The following CYYR1 variants were observed in gnomAD, a reference collection of about 807,000 sequenced individuals.
CYYR1 encodes the protein cysteine and tyrosine-rich protein 1.
Under a neutral mutation model 15.2 loss-of-function variants are expected in CYYR1, and 14 were observed. The observed-to-expected ratio is 0.92, with a 90% CI of 0.61 to 1.44. The LOEUF is 1.44. Ranked by LOEUF, CYYR1 falls within the 40% of genes most tolerant of loss-of-function variation. The pLI is 0.00. For synonymous variants in CYYR1, 80 were observed against 77.4 expected, an observed-to-expected ratio of 1.03 and a Z score of -0.18; for missense variants, 228 against 209.5, an observed-to-expected ratio of 1.09 and a Z score of -0.54.
intron 2 of CYYR1, among the ~76,000 whole-genome samples, chr21:26,481,931 C>T (rs1288281837): frequency 6.6e-6 from 1 of 151,958 alleles, no homozygotes; most frequent in Non-Finnish European, 1.5e-5. Context: ...TTTTTATTAT[C>T]TACAGTGATG....
At chr21:26,531,706 A>G (rs2065932574) in intron 2 of CYYR1, among the ~76,000 whole-genome samples, 2 of 152,120 alleles carry the variant, frequency 1.3e-5, no homozygotes, top group Admixed American at 1.3e-4. Flanking sequence ...ACCCAGTCTC[A>G]GGTAGTTCTT....
In CYYR1 at chr21:26,468,401, A is replaced by G; in HGVS notation, c.*100T>C. ...CCTGACACATTATCTGACCCCAAAA[A>G]GTATTCCTTGGAGCAATTCTTTCCT... On this transcript the variant is annotated 3_prime_UTR_variant, in exon 4 of 4. Coordinates refer to ENST00000652641, the MANE Select transcript of CYYR1 (RefSeq NM_001320768.2). 1.2e-6 allele frequency: 1 copy of G among 838,350 alleles called. No individual in the cohort carries two copies. The highest frequency in any genetic ancestry group is 1.7e-5 in the Admixed American group (1 of 58,166). 51.9% of individuals were successfully genotyped at this position (838,350 alleles called of 1,614,324 possible).
chr21:26,522,201 T>C (rs2065811456), intron 2 of CYYR1, among the ~76,000 whole-genome samples: 1 of 152,190 alleles, frequency 6.6e-6, no homozygotes, highest in South Asian at 2.1e-4. Context: ...AGAGAAGATT[T>C]ACCATATATT....
chr21:26,520,624 T>A (rs2065792129), intron 2 of CYYR1, among the ~76,000 whole-genome samples: 1 of 152,178 alleles, frequency 6.6e-6, no homozygotes, highest in South Asian at 2.1e-4. Flanking sequence ...GAAATGGTAT[T>A]TCTGGTTCTA....
At chr21:26,475,874 T>C (rs1025000989) in intron 3 of CYYR1, among the ~76,000 whole-genome samples, 3 of 152,190 alleles carry the variant, frequency 2.0e-5, no homozygotes, top group Non-Finnish European at 2.9e-5. Context: ...GTCTTCAAGG[T>C]GAAGGCATCT....
intron 2 of CYYR1, among the ~76,000 whole-genome samples, chr21:26,491,305 C>T (rs943223958): frequency 2.0e-5 from 3 of 152,156 alleles, no homozygotes; most frequent in African/African-American, 7.2e-5. Flanking sequence ...TTACTTTAGA[C>T]AGGACTTTCT....
At chr21:26,547,102 C>A (rs1440362781) in intron 2 of CYYR1, among the ~76,000 whole-genome samples, 1 of 152,044 alleles carries the variant, frequency 6.6e-6, no homozygotes, top group Non-Finnish European at 1.5e-5. Flanking sequence ...TAAAATCAAG[C>A]ACAGAGGGGT....
chr21:26,483,478 G>A, intron 2 of CYYR1: 1 of 970,232 alleles, frequency 1.0e-6, no homozygotes, highest in Non-Finnish European at 1.2e-6. Flanking sequence ...AATTTGACAG[G>A]TGAACTCCAA....
chr21:26,506,502 G>C (rs977772650), intron 2 of CYYR1: 1 of 152,186 alleles, frequency 6.6e-6, no homozygotes, highest in African/African-American at 2.4e-5. Context: ...GAGACATGGA[G>C]GTGAACTCTA....
chr21:26,551,752 G>A lies in CYYR1; in HGVS notation c.176+14514C>T, dbSNP rs987940076. ...TTTTGTGAGATGGAATCTATTCCTG[G>A]TGAAAATGCTGTGAACACTGTGGAA... On this transcript the variant is annotated intron_variant, in intron 2 of 3. Coordinates refer to ENST00000652641, the MANE Select transcript of CYYR1 (RefSeq NM_001320768.2). The A allele has an allele frequency of 5.8e-5, 12 of 207,028 alleles. No individual in the cohort carries two copies. In the South Asian group the frequency reaches 8.8e-4, roughly 15 times the overall value. 12.8% of individuals were successfully genotyped at this position (207,028 alleles called of 1,614,324 possible).
intron 2 of CYYR1, among the ~76,000 whole-genome samples, chr21:26,524,423 ATGT>A (rs1350759041): frequency 6.6e-6 from 1 of 152,228 alleles, no homozygotes; most frequent in African/African-American, 2.4e-5. Flanking sequence ...ATCAAAGTTG[ATGT>A]TGTGGAAAGC....
At chr21:26,512,748 T>C (rs533988404) in intron 2 of CYYR1, among the ~76,000 whole-genome samples, 1 of 152,248 alleles carries the variant, frequency 6.6e-6, no homozygotes, top group Non-Finnish European at 1.5e-5. Context: ...AAAGGCAGAG[T>C]TGAGTAGTTA....
chr21:26,518,710 T>A (rs1037359556), intron 2 of CYYR1: 1 of 152,236 alleles, frequency 6.6e-6, no homozygotes, highest in African/African-American at 2.4e-5. Flanking sequence ...GGCAGCTCCA[T>A]CATTTATGAT....
In CYYR1 at chr21:26,468,497, T is replaced by C; in HGVS notation, c.*4A>G. On this transcript the variant is annotated 3_prime_UTR_variant, in exon 4 of 4. Coordinates refer to ENST00000652641, the MANE Select transcript of CYYR1 (RefSeq NM_001320768.2). ...TTGGCACATGTTCTGTTCTGGGAGA[T>C]AGATTATTTCCTTGCGTTTCCAGGA... 1 of 1,520,614 alleles carries C rather than the reference T, an allele frequency of 6.6e-7. No homozygotes were observed. Among genetic ancestry groups the C allele is most frequent in the Non-Finnish European group, 9.1e-7 (1 of 1,094,632 alleles). 94.2% of individuals were successfully genotyped at this position (1,520,614 alleles called of 1,614,324 possible).
intron 2 of CYYR1, among the ~76,000 whole-genome samples, chr21:26,525,285 A>T (rs2065849695): frequency 6.6e-6 from 1 of 152,066 alleles, no homozygotes; most frequent in African/African-American, 2.4e-5. Context: ...TAAGAATATT[A>T]AAAAATATTA....
chr21:26,520,479 T>C (rs1031944905), intron 2 of CYYR1, among the ~76,000 whole-genome samples: 2 of 152,176 alleles, frequency 1.3e-5, no homozygotes, highest in African/African-American at 4.8e-5. Context: ...CAGCCTATCG[T>C]TGATGGGCAT....
intron 2 of CYYR1, among the ~76,000 whole-genome samples, chr21:26,481,483 T>C (rs1180803654): frequency 1.3e-5 from 2 of 152,122 alleles, no homozygotes; most frequent in African/African-American, 4.8e-5. Flanking sequence ...CTATTACTAT[T>C]GATAGTAATT....
At chr21:26,483,412 CAAAAAAA>C in intron 2 of CYYR1, 1 of 897,390 alleles carries the variant, frequency 1.1e-6, no homozygotes, top group Non-Finnish European at 1.3e-6. Flanking sequence ...TCTCTCCTAT[CAAAAAAA>C]AAAAAAAAAG....
intron 2 of CYYR1, among the ~76,000 whole-genome samples, chr21:26,496,531 A>G (rs1194638697): frequency 6.6e-6 from 1 of 152,246 alleles, no homozygotes; most frequent in Non-Finnish European, 1.5e-5. Context: ...TACAAAATGA[A>G]TATTTAACAT....
Sources: gnomAD v4.1 joint callset for allele counts (sites outside exome capture counted in the v4.1 genomes callset) on GRCh38, gnomAD v4.1.1 for gene constraint, MANE v1.5 for transcripts, NCBI Gene and HGNC (gene_info 2026-07-23, HGNC 2026-07-21) for gene names.